Variants in CDIN1 observed in about 807,000 individuals in gnomAD.
The protein encoded by CDIN1 is CDAN1-interacting nuclease 1.
CDIN1 carries 33 observed loss-of-function variants against 45.3 expected under a neutral mutation model. The ratio of observed to expected loss-of-function variants is 0.73; its 90% confidence interval spans 0.55 to 0.97. The LOEUF is 0.97. Ranked by LOEUF, CDIN1 falls within the 50% of genes least tolerant of loss-of-function variation. The pLI, the probability that CDIN1 is intolerant of heterozygous loss-of-function variation, is 0.00. For synonymous variants in CDIN1, 118 were observed against 124.4 expected (o/e 0.95, Z 0.34); for missense variants, 303 against 339.4 (o/e 0.89, Z 0.84).
At chr15:36,637,132 T>C (rs955248804) in intron 1 of CDIN1, among the ~76,000 whole-genome samples, 3 of 138,992 alleles carry the variant, frequency 2.2e-5, no homozygotes, top group Non-Finnish European at 4.7e-5. Context: ...AGTCCCAAAA[T>C]AGATTCTCAG....
chr15:36,645,470 A>G (rs2040280945), intron 3 of CDIN1, among the ~76,000 whole-genome samples, 183 bp downstream of exon 3: 1 of 150,728 alleles, frequency 6.6e-6, no homozygotes, highest in South Asian at 2.1e-4. Context: ...GTAGATCTAA[A>G]GAGTATGGTA....
chr15:36,716,699 A>G (rs2140861896), intron 10 of CDIN1, among the ~76,000 whole-genome samples: 1 of 152,278 alleles, frequency 6.6e-6, no homozygotes, highest in Non-Finnish European at 1.5e-5. Flanking sequence ...GTCTGTATCT[A>G]ACATTGAAGT....
chr15:36,786,199 G>T (rs928827910), intron 10 of CDIN1, among the ~76,000 whole-genome samples: 12 of 152,200 alleles, frequency 7.9e-5, no homozygotes, highest in African/African-American at 2.2e-4. Context: ...CTGTAAGGCT[G>T]AAAATATGTA....
At chr15:36,681,031 G>A (rs911098097) in intron 5 of CDIN1, among the ~76,000 whole-genome samples, 1 of 151,704 alleles carries the variant, frequency 6.6e-6, no homozygotes, top group African/African-American at 2.4e-5. Flanking sequence ...ATGGAGAAGT[G>A]GACAGAGACA....
intron 8 of CDIN1, among the ~76,000 whole-genome samples, chr15:36,701,810 A>G (rs2042655897): frequency 6.6e-6 from 1 of 152,168 alleles, no homozygotes; most frequent in East Asian, 1.9e-4. Context: ...GTGCTTGTGT[A>G]GCATTTGTGT....
chr15:36,773,970 G>C (rs899777970), intron 10 of CDIN1, among the ~76,000 whole-genome samples: 2 of 152,210 alleles, frequency 1.3e-5, no homozygotes, highest in African/African-American at 4.8e-5. Flanking sequence ...AGCATAGTTT[G>C]GCATGGAATG....
chr15:36,728,437 GC>G (rs1488413863), intron 10 of CDIN1, among the ~76,000 whole-genome samples: 1 of 152,102 alleles, frequency 6.6e-6, no homozygotes, highest in African/African-American at 2.4e-5. Flanking sequence ...AATGAGCAGG[GC>G]CTTGTAAATT....
At chr15:36,751,286 A>G (rs2140971399) in intron 10 of CDIN1, among the ~76,000 whole-genome samples, 1 of 144,648 alleles carries the variant, frequency 6.9e-6, no homozygotes, top group South Asian at 2.2e-4. Context: ...AAAAATAGGC[A>G]TACATATGGT....
At chr15:36,735,510 G>T (rs547248495) in intron 10 of CDIN1, among the ~76,000 whole-genome samples, 8 of 151,740 alleles carry the variant, frequency 5.3e-5, no homozygotes, top group Admixed American at 2.0e-4. Flanking sequence ...ATTTTTATTT[G>T]AGATTAATTT....
chr15:36,591,502 T>G (rs538232577), intron 1 of CDIN1, among the ~76,000 whole-genome samples: 28 of 152,302 alleles, frequency 1.8e-4, no homozygotes, highest in African/African-American at 6.7e-4. Context: ...TGTTTCCTAA[T>G]GGATGAAGTT....
Position 36,794,061 on chromosome 15 carries a change from A to ATTTTT in CDIN1, c.717-14252_717-14248dup, listed in dbSNP as rs71126238. ...TAATATTAAATATGCCATCATAACT[A>ATTTTT]TTTTTTTTTTTTTTTGAGATGGAGT... On this transcript the variant is annotated intron_variant, in intron 10 of 10. Transcript: ENST00000566621. Among the ~76,000 whole-genome samples the ATTTTT allele has an allele frequency of 1.6e-3, 190 of 121,282 alleles. 12 individuals carry two copies. Among genetic ancestry groups the ATTTTT allele is most frequent in the South Asian group, 4.3e-3 (16 of 3,686 alleles). The allele number at this position is 121,282 out of a possible 152,430, so 79.6% of individuals were successfully genotyped here.
intron 10 of CDIN1, among the ~76,000 whole-genome samples, chr15:36,774,885 T>G (rs1046771149): frequency 6.6e-6 from 1 of 152,220 alleles, no homozygotes; most frequent in Non-Finnish European, 1.5e-5. Context: ...GCTTGACAAC[T>G]TGTAAAGCTC....
chr15:36,667,632 A>G (rs1320885350), intron 5 of CDIN1, among the ~76,000 whole-genome samples: 7 of 152,192 alleles, frequency 4.6e-5, no homozygotes, highest in Non-Finnish European at 8.8e-5. Context: ...AACCAATATT[A>G]CGTCACAGTT....
Position 36,808,581 on chromosome 15 carries a change from C to T in CDIN1, c.*128C>T, listed in dbSNP as rs750363404. On this transcript the variant is annotated 3_prime_UTR_variant, in exon 11 of 11. Transcript: ENST00000566621. ...GCTGAACTCTTGCTGCCCGTAGTCA[C>T]ACCACTACCTCTTTAGACAAACATA... The T allele has an allele frequency of 6.5e-5, 79 of 1,218,426 alleles. No homozygotes were observed. Among genetic ancestry groups the T allele is most frequent in the Non-Finnish European group, 8.8e-5 (77 of 875,272 alleles). 75.5% of individuals were successfully genotyped at this position (1,218,426 alleles called of 1,614,324 possible).
In CDIN1 at chr15:36,646,885, A is replaced by G. The variant is rs1230637643; in HGVS notation, c.212+1598A>G. 3.3e-5 allele frequency among the ~76,000 whole-genome samples: 5 copies of G among 152,184 alleles called. No individual in the cohort carries two copies. In the East Asian group the frequency reaches 9.6e-4, roughly 29 times the overall value. On this transcript the variant is annotated intron_variant, in intron 3 of 10. Coordinates refer to ENST00000566621, the MANE Select transcript of CDIN1 (RefSeq NM_001321759.2). ...TCATTGTAAGGAGGTTGTTTTAGTT[A>G]TTAATACATGATTTTTAGGATCACT... is the stretch of plus-strand genomic sequence containing the variant.
intron 5 of CDIN1, 73 bp from the exon 6 acceptor site, chr15:36,691,612 T>C (rs1195094407): frequency 1.1e-6 from 1 of 929,438 alleles, no homozygotes; most frequent in African/African-American, 1.7e-5. Context: ...TATATGTAGA[T>C]ATATGTCACT....
At chr15:36,698,329 T>A (rs928830406) in intron 8 of CDIN1, among the ~76,000 whole-genome samples, 2 of 152,236 alleles carry the variant, frequency 1.3e-5, no homozygotes, top group African/African-American at 2.4e-5. Context: ...ATTATAAGAT[T>A]GTTTTAATTT....
At chr15:36,762,642 A>T (rs8042454) in intron 10 of CDIN1, among the ~76,000 whole-genome samples, 2,980 of 149,598 alleles carry the variant, frequency 0.02, 109 homozygotes, top group African/African-American at 0.07. Flanking sequence ...ATCCCTCCCC[A>T]CTCCCACCAC....
At chr15:36,691,619 C>A (rs2042253533) in intron 5 of CDIN1, 66 bp from the exon 6 acceptor site, 1 of 995,502 alleles carries the variant, frequency 1.0e-6, no homozygotes. Context: ...AGATATATGT[C>A]ACTCCTCATG....
Sources: allele counts gnomAD v4.1 joint callset (sites outside exome capture counted in the v4.1 genomes callset), GRCh38; gene constraint gnomAD v4.1.1; transcripts MANE v1.5; gene names NCBI Gene and HGNC (gene_info 2026-07-23, HGNC 2026-07-21).